Variants in ZNF343 observed in about 807,000 individuals in gnomAD.
The protein encoded by ZNF343 is zinc finger protein 343.
In ZNF343, 11 loss-of-function variants were observed where a neutral mutation model predicts 13.8. The ratio of observed to expected loss-of-function variants is 0.80; its 90% CI spans 0.50 to 1.32. The LOEUF (loss-of-function observed/expected upper bound fraction) is 1.32, where lower values mean the gene tolerates loss of function less well. ZNF343 is among the 40% of genes most tolerant of loss of function. ZNF343 has a pLI of 0.00. For synonymous variants in ZNF343, 248 were observed against 260.0 expected (o/e 0.95, Z 0.44); for missense variants, 658 against 714.2 (o/e 0.92, Z 0.90).
chr20:2,494,226 C>A (rs769042310), intron 2 of ZNF343, among the ~76,000 whole-genome samples, 182 bp from the exon 3 acceptor site: 71 of 151,998 alleles, frequency 4.7e-4, no homozygotes, highest in South Asian at 2.1e-4. Flanking sequence ...TCTAGGCCCT[C>A]CTGCTTGTGT....
Position 2,518,960 on chromosome 20 carries a change from C to T in ZNF343, c.-347+5495G>A, listed in dbSNP as rs2085771463. Among the ~76,000 whole-genome samples the T allele has an allele frequency of 6.6e-6, 1 of 152,166 alleles. No individual in the cohort carries two copies. Among genetic ancestry groups the T allele is most frequent in the Non-Finnish European group, 1.5e-5 (1 of 68,026 alleles). On this transcript the variant is annotated intron_variant, in intron 1 of 6. Coordinates refer to the ZNF343 transcript ENST00000358413. This position sits in a 1 kb window ranked among gnomAD's most constrained non-coding sequence, Gnocchi z 4.6. Reference sequence around the variant, plus strand: ...AAAGTGTTTGGCAGTTCCCTGCCCCCCTCTCTCTTTCCTGCCATCGTGTAA... The same window carrying T: ...AAAGTGTTTGGCAGTTCCCTGCCCCTCTCTCTCTTTCCTGCCATCGTGTAA...
chr20:2,512,345 G>A (rs2085742363), upstream of ZNF343, among the ~76,000 whole-genome samples: 1 of 152,156 alleles, frequency 6.6e-6, no homozygotes, highest in Non-Finnish European at 1.5e-5. Flanking sequence ...GAATTTTAAG[G>A]GACCCAGAGT....
At chr20:2,512,522 C>T (rs1478879698), upstream of ZNF343, among the ~76,000 whole-genome samples, 1 of 152,118 alleles carries the variant, frequency 6.6e-6, no homozygotes, top group Non-Finnish European at 1.5e-5. Flanking sequence ...GAGAAATGGT[C>T]AATTGCTTTT....
intron 1 of ZNF343, among the ~76,000 whole-genome samples, chr20:2,506,284 G>A (rs1482164284): frequency 6.6e-6 from 1 of 152,132 alleles, no homozygotes; most frequent in Non-Finnish European, 1.5e-5. Flanking sequence ...TCATTAAAAA[G>A]TCAGGAAACA....
intron 1 of ZNF343, among the ~76,000 whole-genome samples, chr20:2,523,830 A>G (rs2325887): frequency 0.45 from 68,900 of 151,478 alleles, 16,041 homozygotes; most frequent in Admixed American, 0.51. Flanking sequence ...ACAGGGGCCC[A>G]CCACCACGCC....
rs899281641 is a variant in ZNF343, at chr20:2,518,653, G to A, written c.-347+5802C>T. 3.3e-5 allele frequency among the ~76,000 whole-genome samples: 5 copies of A among 151,840 alleles called. No homozygotes were observed. The highest frequency in any genetic ancestry group is 1.2e-4 in the African/African-American group (5 of 41,298). On this transcript the variant is annotated intron_variant, in intron 1 of 6. Transcript: ENST00000358413. This position sits in a 1 kb window ranked among gnomAD's most constrained non-coding sequence, Gnocchi z 4.6. Reference sequence around the variant, plus strand: ...CAACATACCACATGCTCTCAGCCCCGTGTCCACTTCCCTACACCACTTGCT... The same window carrying A: ...CAACATACCACATGCTCTCAGCCCCATGTCCACTTCCCTACACCACTTGCT...
At chr20:2,490,282 AAAG>A (rs2085345581) in intron 5 of ZNF343, among the ~76,000 whole-genome samples, 1 of 152,170 alleles carries the variant, frequency 6.6e-6, no homozygotes, top group Non-Finnish European at 1.5e-5. Flanking sequence ...CAAACACAGA[AAAG>A]GAGTATGTGA....
intron 5 of ZNF343, among the ~76,000 whole-genome samples, chr20:2,490,968 G>A (rs569981583): frequency 4.7e-4 from 72 of 152,206 alleles, no homozygotes; most frequent in Admixed American, 2.0e-3. Flanking sequence ...AAACCAGAGC[G>A]AATCAGATCA....
intron 1 of ZNF343, among the ~76,000 whole-genome samples, chr20:2,502,491 A>G (rs1234943757): frequency 1.3e-5 from 2 of 152,266 alleles, no homozygotes; most frequent in African/African-American, 4.8e-5. Context: ...GAGAAGAGCA[A>G]CTCCAAGACA....
rs547779802 is a variant in ZNF343, at chr20:2,518,340, A to G, written c.-347+6115T>C. ...CCTCAAAGATTTATTTCTATTTGGG[A>G]GAATTATAATGAATCAAAAGCAGTA... On this transcript the variant is annotated intron_variant, in intron 1 of 6. Transcript: ENST00000358413. This position sits in a 1 kb window ranked among gnomAD's most constrained non-coding sequence, Gnocchi z 4.6. Among the ~76,000 whole-genome samples the G allele has an allele frequency of 5.3e-5, 8 of 152,350 alleles. No individual in the cohort carries two copies. The highest frequency in any genetic ancestry group is 1.4e-4 in the African/African-American group (6 of 41,586).
chr20:2,492,614 T>C, intron 5 of ZNF343, 85 bp downstream of exon 5: 1 of 1,522,836 alleles, frequency 6.6e-7, no homozygotes, highest in Admixed American at 2.1e-5. Flanking sequence ...GTTGTAAGTA[T>C]CTAGAACATT....
At chr20:2,486,177 A>G (rs1359978137) in intron 5 of ZNF343, among the ~76,000 whole-genome samples, 3 of 152,182 alleles carry the variant, frequency 2.0e-5, no homozygotes, top group African/African-American at 7.2e-5. Context: ...GCATTTCAGT[A>G]GGAGAAGAAA....
intron 1 of ZNF343, among the ~76,000 whole-genome samples, chr20:2,523,944 A>T (rs1254488808): frequency 6.9e-6 from 1 of 145,360 alleles, no homozygotes; most frequent in Non-Finnish European, 1.5e-5. Flanking sequence ...AGATCGTGCC[A>T]CTGCACTCCA....
chr20:2,500,203 A>G (rs1187212945), intron 2 of ZNF343, among the ~76,000 whole-genome samples: 1 of 152,224 alleles, frequency 6.6e-6, no homozygotes, highest in African/African-American at 2.4e-5. Flanking sequence ...ACCCGGTCAT[A>G]TTACACAAGT....
Position 2,505,527 on chromosome 20 carries a change from C to T in ZNF343, c.-237+3354G>A, listed in dbSNP as rs189599107. On this transcript the variant is annotated intron_variant, in intron 1 of 5. Transcript: ENST00000278772. ...GAACAAAGCTGGAGGCATCACGCTA[C>T]CTGACTTCAAACTATACTACGAGGC... is the stretch of plus-strand genomic sequence containing the variant. 3.3e-5 allele frequency among the ~76,000 whole-genome samples: 5 copies of T among 152,320 alleles called. No individual in the cohort carries two copies. The East Asian group carries it at 9.6e-4, about 29-fold the overall frequency.
intron 2 of ZNF343, among the ~76,000 whole-genome samples, chr20:2,498,042 G>A (rs150624332): frequency 9.2e-5 from 14 of 152,318 alleles, no homozygotes; most frequent in Non-Finnish European, 1.8e-4. Flanking sequence ...TCATGGTCCA[G>A]TGAGGGAAAG....
At chr20:2,509,401 G>A (rs902570491), upstream of ZNF343, among the ~76,000 whole-genome samples, 1 of 152,206 alleles carries the variant, frequency 6.6e-6, no homozygotes, top group Non-Finnish European at 1.5e-5. Flanking sequence ...CAGCGTCTCA[G>A]TTGAACCCTT....
chr20:2,484,184 G>A lies in ZNF343; in HGVS notation c.777C>T (p.Asn259=), dbSNP rs931015633. The A allele has an allele frequency of 1.2e-6, 2 of 1,614,196 alleles. No individual in the cohort carries two copies. The highest frequency in any genetic ancestry group is 2.2e-5 in the South Asian group (2 of 91,084). ...GCTTCTTCCCTAAGAGGGTCCTCGGGTTTGTAATAAAGTTTGATTCCAGGT... is the reference window on the plus strand; with the variant it reads ...GCTTCTTCCCTAAGAGGGTCCTCGGATTTGTAATAAAGTTTGATTCCAGGT... ...DHNLESNFIT[N]PRTLLGKKPY... Residue 259 remains asparagine, a synonymous_variant, in exon 6 of 6, where the codon AAC becomes AAT. Coordinates refer to ENST00000278772, the MANE Select transcript of ZNF343 (RefSeq NM_024325.6).
At chr20:2,492,919 C>A in intron 4 of ZNF343, 94 bp from the exon 5 acceptor site, 1 of 1,540,340 alleles carries the variant, frequency 6.5e-7, no homozygotes, top group Admixed American at 1.9e-5. Context: ...CCTGGATATG[C>A]AAGTTGATGT....
Sources: allele counts gnomAD v4.1 joint callset (sites outside exome capture counted in the v4.1 genomes callset), GRCh38; gene constraint gnomAD v4.1.1; non-coding constraint Gnocchi (gnomAD v3.1); transcripts MANE v1.5; gene names NCBI Gene and HGNC (gene_info 2026-07-23, HGNC 2026-07-21).